The following PIK3AP1 variants were observed in gnomAD, a reference collection of about 807,000 sequenced individuals.
PIK3AP1 encodes phosphoinositide-3-kinase adaptor protein 1.
Under a neutral mutation model 88.1 loss-of-function variants are expected in PIK3AP1, and 21 were observed. The ratio of observed to expected loss-of-function variants is 0.24; its 90% CI spans 0.17 to 0.34. PIK3AP1 has a LOEUF of 0.34. Among genes scored for constraint, PIK3AP1 ranks in the 10% least tolerant of loss-of-function variants. PIK3AP1 has a pLI of 1.00. For synonymous variants in PIK3AP1, 398 were observed against 400.0 expected (o/e 1.00, Z 0.06); for missense variants, 828 against 1,035.7 (o/e 0.80, Z 2.75).
rs189105106 is a variant in PIK3AP1 at position 96,689,287 on chromosome 10, G to A, written c.430+20280C>T. 1.6e-3 allele frequency among the ~76,000 whole-genome samples: 241 copies of A among 151,818 alleles called. 3 individuals are homozygous for A. The East Asian group carries it at 0.038, about 24-fold the overall frequency. ...CTCTTAAAATCCAACCCTCCTGGCC[G>A]GGTGTGGTGGCTCACACCTGTAATC... is the stretch of plus-strand genomic sequence containing the variant. On this transcript the variant is annotated intron_variant, in intron 2 of 16. Transcript: ENST00000339364.
intron 8 of PIK3AP1, among the ~76,000 whole-genome samples, chr10:96,644,596 T>C (rs878869386): frequency 2.6e-5 from 4 of 152,134 alleles, no homozygotes; most frequent in African/African-American, 7.2e-5. Context: ...TACTTTTGCA[T>C]TGGAAAAAAC....
rs1564947971 is a variant in PIK3AP1 at position 96,597,276 on chromosome 10, TTCCTTCC to T, written c.2361-1649_2361-1643del. On this transcript the variant is annotated intron_variant, in intron 16 of 16. Transcript: ENST00000339364. ...TTTTTTTCTTTCTTTCTTTCTTTCCTTCCTTCCTTCCTTCCTTCCTTCCTTCCTTCCT... is the reference window on the plus strand; with the variant it reads ...TTTTTTTCTTTCTTTCTTTCTTTCCTTTCCTTCCTTCCTTCCTTCCTTCCT... Among the ~76,000 whole-genome samples the T allele has an allele frequency of 4.7e-3, 101 of 21,672 alleles. No individual in the cohort carries two copies. In the East Asian group the frequency reaches 0.05, roughly 11 times the overall value. 14.2% of individuals were successfully genotyped at this position (21,672 alleles called of 152,430 possible). A position where few individuals can be genotyped will look rare whatever the true frequency, so the allele number is the denominator to read the frequency against.
chr10:96,623,395 A>G (rs993747516), intron 11 of PIK3AP1, 77 bp downstream of exon 11: 9 of 1,345,742 alleles, frequency 6.7e-6, no homozygotes, highest in African/African-American at 2.9e-5. Flanking sequence ...TCAAGGAGCT[A>G]TTGTTACACT....
chr10:96,630,468 A>C (rs1220651149), intron 8 of PIK3AP1, among the ~76,000 whole-genome samples: 3 of 152,144 alleles, frequency 2.0e-5, no homozygotes, highest in Non-Finnish European at 4.4e-5. Flanking sequence ...CAAGACCAGA[A>C]AAATTCTACT....
intron 2 of PIK3AP1, among the ~76,000 whole-genome samples, chr10:96,690,017 C>T (rs1446995596): frequency 1.3e-5 from 2 of 152,210 alleles, no homozygotes; most frequent in Non-Finnish European, 2.9e-5. Context: ...TTCTCTGTTA[C>T]TACTGTCCAG....
In PIK3AP1 at chr10:96,649,898, A is replaced by G. The variant is rs537649545; in HGVS notation, c.989-1043T>C. Among the ~76,000 whole-genome samples the G allele has an allele frequency of 3.3e-5, 5 of 152,374 alleles. No individual in the cohort carries two copies. In the South Asian group the frequency reaches 1.0e-3, roughly 32 times the overall value. On this transcript the variant is annotated intron_variant, in intron 6 of 16. Transcript: ENST00000339364. ...GAATACAGCAAGTTAAACTCAACCA[A>G]GAAAATGGACATGTTTGTGTTTGCG...
chr10:96,655,756 C>T (rs1425515305), intron 3 of PIK3AP1, among the ~76,000 whole-genome samples: 1 of 152,174 alleles, frequency 6.6e-6, no homozygotes, highest in African/African-American at 2.4e-5. Flanking sequence ...TCTCTCTTTG[C>T]CTGCTGCCAT....
chr10:96,658,621 C>T (rs1843646707), intron 2 of PIK3AP1, among the ~76,000 whole-genome samples: 1 of 152,126 alleles, frequency 6.6e-6, no homozygotes, highest in Non-Finnish European at 1.5e-5. Context: ...AGTGGAGGTC[C>T]CGTCCCAGAG....
intron 2 of PIK3AP1, among the ~76,000 whole-genome samples, chr10:96,673,993 T>C (rs1213591316): frequency 6.6e-6 from 1 of 152,182 alleles, no homozygotes; most frequent in Admixed American, 6.5e-5. Context: ...AGGGTAACTT[T>C]CTGTTCTCAT....
chr10:96,705,317 G>T (rs993175315), intron 2 of PIK3AP1, among the ~76,000 whole-genome samples: 1 of 152,046 alleles, frequency 6.6e-6, no homozygotes, highest in Admixed American at 6.6e-5. Context: ...TGATCAAAAG[G>T]CTGTAAAGGT....
chr10:96,692,601 G>C (rs1354568685), intron 2 of PIK3AP1, among the ~76,000 whole-genome samples: 2 of 151,564 alleles, frequency 1.3e-5, no homozygotes, highest in East Asian at 3.9e-4. Context: ...AGAAAGAAAA[G>C]AAAGAAATGT....
At chr10:96,608,100 C>T (rs146635401) in intron 14 of PIK3AP1, among the ~76,000 whole-genome samples, 1 of 152,318 alleles carries the variant, frequency 6.6e-6, no homozygotes, top group East Asian at 1.9e-4. Flanking sequence ...CCCATCTTCT[C>T]CTCACCCCAG....
At chr10:96,678,347 A>G (rs1388381270) in intron 2 of PIK3AP1, among the ~76,000 whole-genome samples, 1 of 152,106 alleles carries the variant, frequency 6.6e-6, no homozygotes, top group Non-Finnish European at 1.5e-5. Flanking sequence ...AGGCAAGAGA[A>G]TCGCTTGAAC....
chr10:96,713,584 T>A (rs967386661), intron 1 of PIK3AP1, among the ~76,000 whole-genome samples: 1 of 150,164 alleles, frequency 6.7e-6, no homozygotes, highest in African/African-American at 2.5e-5. Flanking sequence ...CTCAGGAGAC[T>A]GAGGTAGGAG....
At chr10:96,679,705 T>G (rs1414344890) in intron 2 of PIK3AP1, among the ~76,000 whole-genome samples, 1 of 152,038 alleles carries the variant, frequency 6.6e-6, no homozygotes, top group Non-Finnish European at 1.5e-5. Flanking sequence ...AGGTTTGGGG[T>G]TGGTAAGTGT....
chr10:96,625,813 A>G (rs1037604760), intron 10 of PIK3AP1, among the ~76,000 whole-genome samples: 38 of 152,236 alleles, frequency 2.5e-4, no homozygotes, highest in African/African-American at 7.9e-4. Flanking sequence ...CAGTGGCTCA[A>G]TCTCGGCTCA....
intron 7 of PIK3AP1, among the ~76,000 whole-genome samples, chr10:96,647,622 T>C (rs1004703833): frequency 6.6e-6 from 1 of 152,228 alleles, no homozygotes; most frequent in Non-Finnish European, 1.5e-5. Flanking sequence ...AAAACACTTA[T>C]ACACCTGTAA....
At chr10:96,667,670 A>C (rs1843783240) in intron 2 of PIK3AP1, among the ~76,000 whole-genome samples, 1 of 152,194 alleles carries the variant, frequency 6.6e-6, no homozygotes, top group African/African-American at 2.4e-5. Context: ...GTACAGCGTC[A>C]AGTTGGATGA....
chr10:96,620,622 C>G, intron 11 of PIK3AP1, 65 bp from the exon 12 acceptor site: 5 of 1,424,752 alleles, frequency 3.5e-6, no homozygotes, highest in Non-Finnish European at 4.9e-6. Context: ...CAGAAGTGTA[C>G]GGTTAATGAG....
Sources: allele counts gnomAD v4.1 joint callset (sites outside exome capture counted in the v4.1 genomes callset), GRCh38; gene constraint gnomAD v4.1.1; transcripts MANE v1.5; gene names NCBI Gene and HGNC (gene_info 2026-07-23, HGNC 2026-07-21).